Variants in COL26A1 observed in about 807,000 individuals in gnomAD.
COL26A1 encodes the protein collagen alpha-1(XXVI) chain.
COL26A1 carries 41 observed loss-of-function variants against 59.3 expected under a neutral mutation model. The observed-to-expected ratio is 0.69, with a 90% CI of 0.54 to 0.90. The LOEUF (loss-of-function observed/expected upper bound fraction) is 0.90, where lower values mean the gene tolerates loss of function less well. COL26A1 is among the 40% of genes least tolerant of loss of function. The pLI, the probability that COL26A1 is intolerant of heterozygous loss-of-function variation, is 0.00. For missense variants in COL26A1, 612 were observed against 602.3 expected, an observed-to-expected ratio of 1.02 and a Z score of -0.17; for synonymous variants, 266 against 256.0, an observed-to-expected ratio of 1.04 and a Z score of -0.37.
intron 8 of COL26A1, 30 bp from the exon 9 acceptor site, chr7:101,549,141 C>A: frequency 6.8e-7 from 1 of 1,469,894 alleles, no homozygotes; most frequent in Non-Finnish European, 9.2e-7. Flanking sequence ...CTCTCTGGCC[C>A]CAGGTGACCA....
intron 3 of COL26A1, among the ~76,000 whole-genome samples, chr7:101,460,140 G>A (rs534997241): frequency 3.3e-5 from 5 of 152,276 alleles, no homozygotes; most frequent in African/African-American, 9.6e-5. Context: ...TGCATAGCAC[G>A]TTCCGGGCGC....
chr7:101,519,597 C>A (rs995855149), intron 3 of COL26A1, among the ~76,000 whole-genome samples: 1 of 152,220 alleles, frequency 6.6e-6, no homozygotes, highest in African/African-American at 2.4e-5. Flanking sequence ...CCACTGCCAG[C>A]TGGGGGACAC....
intron 12 of COL26A1, 52 bp from the exon 13 acceptor site, chr7:101,557,318 C>A (rs778924622): frequency 7.1e-6 from 11 of 1,553,810 alleles, no homozygotes; most frequent in Non-Finnish European, 9.6e-6. Context: ...AAATGTACCC[C>A]CAAGTGTTCC....
chr7:101,473,102 C>G (rs777277706), intron 3 of COL26A1, among the ~76,000 whole-genome samples: 1 of 150,026 alleles, frequency 6.7e-6, no homozygotes, highest in African/African-American at 2.5e-5. Context: ...TTTTTTGACA[C>G]GGAGTCTCAC....
At chr7:101,539,663 C>G (rs1293525013) in intron 4 of COL26A1, among the ~76,000 whole-genome samples, 1 of 152,110 alleles carries the variant, frequency 6.6e-6, no homozygotes, top group Non-Finnish European at 1.5e-5. Flanking sequence ...AAGGGCACTC[C>G]TTGAACCTGA....
intron 2 of COL26A1, among the ~76,000 whole-genome samples, chr7:101,432,012 G>A (rs1171407698): frequency 6.8e-6 from 1 of 146,788 alleles, no homozygotes; most frequent in African/African-American, 2.6e-5. Flanking sequence ...TCGTTGCCCA[G>A]GCTGTGAGTG....
intron 8 of COL26A1, among the ~76,000 whole-genome samples, chr7:101,548,218 A>G (rs1025987761): frequency 3.3e-5 from 5 of 152,080 alleles, no homozygotes; most frequent in Non-Finnish European, 5.9e-5. Context: ...CCCTCTCCAA[A>G]CCTGGGAGCC....
At chr7:101,436,521 C>A (rs530227567) in intron 2 of COL26A1, among the ~76,000 whole-genome samples, 2 of 152,102 alleles carry the variant, frequency 1.3e-5, no homozygotes, top group African/African-American at 4.8e-5. Context: ...CTGGCTCCCC[C>A]AGGCAAGGTT....
chr7:101,430,564 T>C (rs1473923196), intron 2 of COL26A1, among the ~76,000 whole-genome samples: 1 of 151,934 alleles, frequency 6.6e-6, no homozygotes, highest in Non-Finnish European at 1.5e-5. Context: ...GCTGGGATTA[T>C]AGGTGTGAGT....
At chr7:101,509,415 C>T (rs909753344) in intron 3 of COL26A1, among the ~76,000 whole-genome samples, 1 of 152,026 alleles carries the variant, frequency 6.6e-6, no homozygotes, top group Non-Finnish European at 1.5e-5. Flanking sequence ...CACTGTACTC[C>T]AGCTCAGGCT....
intron 2 of COL26A1, among the ~76,000 whole-genome samples, chr7:101,430,590 G>A (rs1039245817): frequency 6.6e-6 from 1 of 151,624 alleles, no homozygotes; most frequent in Admixed American, 6.6e-5. Flanking sequence ...TGTCCAGCCA[G>A]TATTTTTAAT....
intron 3 of COL26A1, among the ~76,000 whole-genome samples, chr7:101,488,628 G>A (rs577583003): frequency 6.6e-6 from 1 of 151,696 alleles, no homozygotes; most frequent in Non-Finnish European, 1.5e-5. Flanking sequence ...CTCCCTCCTC[G>A]GCCTCCCAAA....
chr7:101,544,011 G>A lies in COL26A1; in HGVS notation c.618G>A (p.Gln206=). 1 of 1,581,794 alleles carries A rather than the reference G, an allele frequency of 6.3e-7. No individual in the cohort carries two copies. The highest frequency in any genetic ancestry group is 8.6e-7 in the Non-Finnish European group (1 of 1,164,524). Residue 206 remains glutamine (Q), a synonymous_variant, in exon 6 of 13, where the codon CAG becomes CAA. Transcript: ENST00000313669. Reference sequence around the variant, plus strand: ...TTCTCTCCCCAGGGCCCCCGGGGCAGACAGGACCACCAGGGCCTGCAGGCC... The same window carrying A: ...TTCTCTCCCCAGGGCCCCCGGGGCAAACAGGACCACCAGGGCCTGCAGGCC... ...RPTGPAGPPG[Q]TGPPGPAGPP...
At chr7:101,491,305 T>C (rs1473437929) in intron 3 of COL26A1, among the ~76,000 whole-genome samples, 1 of 152,032 alleles carries the variant, frequency 6.6e-6, no homozygotes, top group Non-Finnish European at 1.5e-5. Context: ...ATTTACACCA[T>C]GGAAATTGAC....
chr7:101,391,325 T>A (rs899006594), intron 1 of COL26A1, among the ~76,000 whole-genome samples: 19 of 152,176 alleles, frequency 1.2e-4, no homozygotes, highest in Admixed American at 2.6e-4. Context: ...TTATTTTTTT[T>A]AAAAAGTGTT....
chr7:101,414,525 C>T (rs1037753404), intron 1 of COL26A1, among the ~76,000 whole-genome samples: 3 of 152,000 alleles, frequency 2.0e-5, no homozygotes, highest in Admixed American at 6.6e-5. Context: ...GCAACCTCTA[C>T]CTCCCGGGCT....
chr7:101,394,869 CT>C (rs61005447), intron 1 of COL26A1, among the ~76,000 whole-genome samples: 3,361 of 97,050 alleles, frequency 0.035, 50 homozygotes, highest in African/African-American at 0.12. Context: ...TTTTTCTTTT[CT>C]TTTTTTTTTT....
intron 3 of COL26A1, among the ~76,000 whole-genome samples, chr7:101,494,724 C>G (rs1794543837): frequency 6.6e-6 from 1 of 152,344 alleles, no homozygotes; most frequent in South Asian, 2.1e-4. Flanking sequence ...GAAGCCACAG[C>G]AGGGGGCCCA....
intron 2 of COL26A1, among the ~76,000 whole-genome samples, chr7:101,431,704 G>A (rs770709863): frequency 5.3e-5 from 8 of 151,518 alleles, no homozygotes; most frequent in African/African-American, 7.3e-5. Flanking sequence ...ATTTTTCTTC[G>A]TTAGGCTGTT....
Sources: allele counts gnomAD v4.1 joint callset (sites outside exome capture counted in the v4.1 genomes callset), GRCh38; gene constraint gnomAD v4.1.1; transcripts MANE v1.5; gene names NCBI Gene and HGNC (gene_info 2026-07-23, HGNC 2026-07-21).